Variants in SIMC1 observed in about 807,000 individuals in gnomAD.
SIMC1 encodes the protein SUMO-interacting motif-containing protein 1.
A neutral mutation model predicts 82.3 loss-of-function variants in SIMC1; 55 were observed. That is an observed-to-expected ratio of 0.67 (90% CI 0.54 to 0.84). The LOEUF (loss-of-function observed/expected upper bound fraction) is 0.84, where lower values mean the gene tolerates loss of function less well. Among genes scored for constraint, SIMC1 ranks in the 40% least tolerant of loss-of-function variants. The pLI, the probability that SIMC1 is intolerant of heterozygous loss-of-function variation, is 0.00. For missense variants in SIMC1, 915 were observed against 1,107.2 expected (o/e 0.83, Z 2.46); for synonymous variants, 353 against 426.3 (o/e 0.83, Z 2.12).
intron 1 of SIMC1, among the ~76,000 whole-genome samples, chr5:176,269,668 A>G (rs937394258): frequency 2.0e-5 from 3 of 152,250 alleles, no homozygotes; most frequent in African/African-American, 7.2e-5. Flanking sequence ...TATTTTATTA[A>G]ATCAGTTTTA....
intron 7 of SIMC1, among the ~76,000 whole-genome samples, chr5:176,327,255 C>G (rs2434232): frequency 0.045 from 6,844 of 152,196 alleles, 238 homozygotes; most frequent in Non-Finnish European, 0.073. Flanking sequence ...GGCCACTCAC[C>G]CAAATTATGC....
At position 176,262,537 on chromosome 5, in the gene SIMC1, G is replaced by T. The variant is rs563647402; in HGVS notation, c.129+23900G>T. Among the ~76,000 whole-genome samples, 5 of 152,362 alleles carry T rather than the reference G, an allele frequency of 3.3e-5. No homozygotes were observed. In the East Asian group the frequency reaches 7.7e-4, roughly 23 times the overall value. ...GAAAGATACAGGGCCGGGCATGGTA[G>T]ATCACGCCTGTAATCTGAGCACTTT... On this transcript the variant is annotated intron_variant, in intron 1 of 9. Transcript: ENST00000429602.
In SIMC1 at chr5:176,294,983, AAAAG is replaced by A. The variant is rs1554110619; in HGVS notation, c.1432-43_1432-40del. 5 of 1,542,398 alleles carry A rather than the reference AAAAG, an allele frequency of 3.2e-6. No individual in the cohort carries two copies. In the East Asian group the frequency reaches 9.4e-5, roughly 29 times the overall value. On this transcript the variant is annotated intron_variant, in intron 2 of 9. Transcript: ENST00000429602. ...CCGTCTCAAAAAAAAAAAAAAAAAAAAAAGAAAAGAAATCCCTCCTAATTTCCTT... is the reference window on the plus strand; with the variant it reads ...CCGTCTCAAAAAAAAAAAAAAAAAAAAAAAGAAATCCCTCCTAATTTCCTT...
At chr5:176,329,515 A>AC (rs1765541623) in intron 7 of SIMC1, among the ~76,000 whole-genome samples, 1 of 151,380 alleles carries the variant, frequency 6.6e-6, no homozygotes, top group Admixed American at 6.6e-5. Context: ...AAAAAAAAAA[A>AC]AATGTATAGC....
chr5:176,274,766 C>T lies in SIMC1; in HGVS notation c.130-14888C>T, dbSNP rs1433784586. On this transcript the variant is annotated intron_variant, in intron 1 of 9. Transcript: ENST00000429602. ...AGCACCATTTATTAACTAGGGAATC[C>T]TTTCCCCATTGCTTTTTTTTCTCAG... is the stretch of plus-strand genomic sequence containing the variant. 1.3e-5 allele frequency among the ~76,000 whole-genome samples: 2 copies of T among 151,838 alleles called. 1 individual carries two copies. The highest frequency in any genetic ancestry group is 2.9e-5 in the Non-Finnish European group (2 of 67,882).
chr5:176,334,855 G>A (rs1207482937), intron 7 of SIMC1, among the ~76,000 whole-genome samples: 1 of 152,136 alleles, frequency 6.6e-6, no homozygotes, highest in Admixed American at 6.5e-5. Flanking sequence ...CATTTTGGGA[G>A]GCAGTTGGGG....
In SIMC1 at chr5:176,290,309, C is replaced by T; in HGVS notation, c.785C>T (p.Thr262Ile). Reference sequence around the variant, plus strand: ...ATGCAGTGCCAACTACCAGCTCTAACTCACCCACCTCAAGAAGTGCCATGC... The same window carrying T: ...ATGCAGTGCCAACTACCAGCTCTAATTCACCCACCTCAAGAAGTGCCATGC... Reference protein sequence around the residue: ...QTMQCQLPALTHPPQEVPCPR... With the variant: ...QTMQCQLPALIHPPQEVPCPR... The change falls in exon 2 of 10, where the codon ACT (threonine) becomes ATT (isoleucine). Residue 262 changes from threonine to isoleucine, a missense_variant. Around this residue, in one of 2 missense-constraint regions of SIMC1, gnomAD observed 902 missense variants for 1,040.3 expected, o/e 0.87. Transcript: ENST00000429602. 1 of 1,613,938 alleles carries T rather than the reference C, an allele frequency of 6.2e-7. No individual in the cohort carries two copies. The highest frequency in any genetic ancestry group is 8.5e-7 in the Non-Finnish European group (1 of 1,179,868).
chr5:176,317,132 A>G (rs1452920161), intron 5 of SIMC1, among the ~76,000 whole-genome samples: 2 of 152,230 alleles, frequency 1.3e-5, no homozygotes, highest in Non-Finnish European at 2.9e-5. Flanking sequence ...ATTCATTAAG[A>G]AATGGATATT....
chr5:176,290,312 A>G lies in SIMC1; in HGVS notation c.788A>G (p.His263Arg), dbSNP rs761801672. The change falls in exon 2 of 10, where the codon CAC becomes CGC. Residue 263 changes from histidine (H) to arginine (R), a missense_variant. By Grantham distance (29) the His-to-Arg change is conservative. Transcript: ENST00000429602. ...TMQCQLPALT[H>R]PPQEVPCPRQ... ...CAGTGCCAACTACCAGCTCTAACTC[A>G]CCCACCTCAAGAAGTGCCATGCCCT... 1.9e-6 allele frequency: 3 copies of G among 1,613,344 alleles called. No individual in the cohort carries two copies. The South Asian group carries it at 3.3e-5, about 18-fold the overall frequency.
chr5:176,278,013 G>A (rs1289166904), intron 1 of SIMC1, among the ~76,000 whole-genome samples: 7 of 140,226 alleles, frequency 5.0e-5, no homozygotes, highest in African/African-American at 1.9e-4. Context: ...GATGGGGATG[G>A]CATTGAATCT....
intron 1 of SIMC1, among the ~76,000 whole-genome samples, chr5:176,275,371 G>A (rs1481670323): frequency 6.6e-6 from 1 of 151,786 alleles, no homozygotes; most frequent in Non-Finnish European, 1.5e-5. Context: ...GGAGATTTTG[G>A]TCTGAGACAA....
intron 9 of SIMC1, among the ~76,000 whole-genome samples, chr5:176,341,437 G>A (rs770451269): frequency 6.6e-6 from 1 of 152,240 alleles, no homozygotes; most frequent in East Asian, 1.9e-4. Flanking sequence ...AAAGTGGTTG[G>A]TTCCAAGTAA....
At chr5:176,282,218 C>T (rs1209662643) in intron 1 of SIMC1, among the ~76,000 whole-genome samples, 14 of 152,336 alleles carry the variant, frequency 9.2e-5, no homozygotes, top group Admixed American at 3.9e-4. Context: ...ACTCCATGGG[C>T]GTAGGACCCT....
At chr5:176,324,573 A>T in intron 6 of SIMC1, 56 bp from the exon 7 acceptor site, 2 of 1,568,362 alleles carry the variant, frequency 1.3e-6, no homozygotes. Flanking sequence ...TCCCAGCCAG[A>T]GAGTGGCTCC....
chr5:176,260,348 T>A (rs968845824), intron 1 of SIMC1, among the ~76,000 whole-genome samples: 8 of 152,054 alleles, frequency 5.3e-5, no homozygotes, highest in African/African-American at 9.7e-5. Flanking sequence ...GACTACAAAT[T>A]AGGTTCAGTG....
chr5:176,316,710 T>G (rs561978288), intron 5 of SIMC1, among the ~76,000 whole-genome samples: 2 of 145,626 alleles, frequency 1.4e-5, no homozygotes, highest in South Asian at 2.2e-4. Flanking sequence ...AAAGGCATTT[T>G]GGGCTGCACA....
intron 9 of SIMC1, among the ~76,000 whole-genome samples, chr5:176,341,717 C>T (rs1401510207): frequency 6.6e-6 from 1 of 152,006 alleles, no homozygotes; most frequent in Non-Finnish European, 1.5e-5. Flanking sequence ...ATGAAGAGCT[C>T]AGGTTTGACA....
At chr5:176,337,179 G>A in intron 9 of SIMC1, 33 bp downstream of exon 9, 1 of 1,565,514 alleles carries the variant, frequency 6.4e-7, no homozygotes. Context: ...TGGAGTAGTG[G>A]AAGGTCTCAA....
intron 8 of SIMC1, 23 bp from the exon 9 acceptor site, chr5:176,337,035 TATCA>T: frequency 1.9e-6 from 3 of 1,611,382 alleles, no homozygotes; most frequent in Non-Finnish European, 2.5e-6. Flanking sequence ...AGGCATTTAT[TATCA>T]ATCCATTTTA....
Sources: allele counts gnomAD v4.1 joint callset (sites outside exome capture counted in the v4.1 genomes callset), GRCh38; gene constraint gnomAD v4.1.1; regional missense constraint gnomAD v4.1.1; transcripts MANE v1.5; gene names NCBI Gene and HGNC (gene_info 2026-07-23, HGNC 2026-07-21).